PLEKHH1: variants seen among roughly 807,000 people sequenced by gnomAD.
PLEKHH1 encodes the protein pleckstrin homology, MyTH4 and FERM domain containing H1.
Under a neutral mutation model 160.0 loss-of-function variants are expected in PLEKHH1, and 104 were observed. That is an observed-to-expected ratio of 0.65 (90% CI 0.55 to 0.76). The LOEUF is 0.76. Ranked by LOEUF, PLEKHH1 falls within the 30% of genes least tolerant of loss-of-function variation. The pLI is 0.00. For missense variants in PLEKHH1, 1,427 were observed against 1,724.1 expected (o/e 0.83, Z 3.05); for synonymous variants, 619 against 678.4 (o/e 0.91, Z 1.36).
intron 1 of PLEKHH1, 197 bp downstream of exon 1, chr14:67,533,595 A>T (rs2033559287): frequency 2.0e-5 from 3 of 151,786 alleles, no homozygotes; most frequent in Admixed American, 2.0e-4. Flanking sequence ...GCCCCAGGGG[A>T]CTCGCGCCGC....
intron 8 of PLEKHH1, chr14:67,569,661 A>G: frequency 1.9e-6 from 1 of 527,632 alleles, no homozygotes; most frequent in Non-Finnish European, 3.4e-6. Flanking sequence ...CAACAGTGGA[A>G]CACTGTGCAA....
At chr14:67,569,075 G>A in intron 7 of PLEKHH1, 63 bp from the exon 8 acceptor site, 2 of 1,137,754 alleles carry the variant, frequency 1.8e-6, no homozygotes, top group Non-Finnish European at 2.6e-6. Flanking sequence ...TCCTGCACAT[G>A]CCTGGAGGGG....
In PLEKHH1 at chr14:67,559,194, T is replaced by G. The variant is rs866046101; in HGVS notation, c.340-414T>G. Among the ~76,000 whole-genome samples the G allele has an allele frequency of 1.4e-4, 22 of 152,346 alleles. No individual in the cohort carries two copies. In the South Asian group the frequency reaches 1.7e-3, roughly 11 times the overall value. ...TACCTCAGTTATCTGCAATTTTGCC[T>G]TATTTTTTTGTTTTTTAACTATAAA... On this transcript the variant is annotated intron_variant, in intron 4 of 28. Coordinates refer to ENST00000329153, the MANE Select transcript of PLEKHH1 (RefSeq NM_020715.3).
At chr14:67,585,818 A>C in intron 27 of PLEKHH1, 133 bp from the exon 28 acceptor site, 1 of 1,087,408 alleles carries the variant, frequency 9.2e-7, no homozygotes, top group Admixed American at 2.1e-5. Flanking sequence ...GTAGATATTC[A>C]AGATGGAGAT....
At chr14:67,586,335 T>G in intron 28 of PLEKHH1, 1 of 1,394,012 alleles carries the variant, frequency 7.2e-7, no homozygotes, top group Non-Finnish European at 9.7e-7. Context: ...GCTACTATTA[T>G]GCTCTTCACT....
intron 2 of PLEKHH1, among the ~76,000 whole-genome samples, chr14:67,555,181 G>A (rs2034544605): frequency 6.6e-6 from 1 of 152,238 alleles, no homozygotes; most frequent in Non-Finnish European, 1.5e-5. Flanking sequence ...GGCTTCCAAA[G>A]TGCTGGGATT....
intron 15 of PLEKHH1, 23 bp downstream of exon 15, chr14:67,575,495 T>G: frequency 6.9e-7 from 1 of 1,441,302 alleles, no homozygotes; most frequent in Non-Finnish European, 9.7e-7. Flanking sequence ...CTCCTCACAA[T>G]ACCCACTCTC....
chr14:67,533,942 G>C (rs1278249290), intron 1 of PLEKHH1, among the ~76,000 whole-genome samples: 2 of 152,162 alleles, frequency 1.3e-5, no homozygotes. Flanking sequence ...GGGCCTTAGT[G>C]GGGGTGGCAG....
chr14:67,575,538 A>C (rs4902490), intron 15 of PLEKHH1, 66 bp downstream of exon 15: 1 of 994,670 alleles, frequency 1.0e-6, no homozygotes, highest in Non-Finnish European at 1.6e-6. Flanking sequence ...CTGCCACTCT[A>C]TGTCCTGATG....
Position 67,582,230 on chromosome 14 carries a change from G to A in PLEKHH1, c.3426+20G>A, listed in dbSNP as rs2035936244. ...GCCCAGGTAAGGTTCTGTTCAGGAA[G>A]CAGGAGGGTCGGGTTGCCAGCTTAG... On this transcript the variant is annotated intron_variant, in intron 24 of 28. Transcript: ENST00000329153. This position sits in a 1 kb window ranked among gnomAD's most constrained non-coding sequence, Gnocchi z 5.0. 1.2e-6 allele frequency: 2 copies of A among 1,613,382 alleles called. No individual in the cohort carries two copies. The highest frequency in any genetic ancestry group is 2.2e-5 in the South Asian group (2 of 91,040).
intron 1 of PLEKHH1, among the ~76,000 whole-genome samples, chr14:67,536,385 C>T (rs1467360713): frequency 1.3e-5 from 2 of 151,846 alleles, no homozygotes; most frequent in Admixed American, 1.3e-4. Context: ...TCTGGCAGAG[C>T]ACTTTTAGAA....
At position 67,573,282 on chromosome 14, in the gene PLEKHH1, C is replaced by G; in HGVS notation, c.1735C>G (p.Leu579Val). 6.2e-7 allele frequency: 1 copy of G among 1,608,954 alleles called. No homozygotes were observed. The highest frequency in any genetic ancestry group is 8.5e-7 in the Non-Finnish European group (1 of 1,175,866). The change falls in exon 12 of 29, where the codon CTG (leucine) becomes GTG (valine). Residue 579 changes from leucine (L) to valine (V), a missense_variant. Coordinates refer to ENST00000329153, the MANE Select transcript of PLEKHH1 (RefSeq NM_020715.3). The surrounding 1 kb of genome is among the most constrained non-coding windows in gnomAD (Gnocchi z 4.8). ...ACACCCTTCCACCCCTCAGGAGTCA[C>G]TGGAGAAGTCGGGCTACCTGCTGAA... ...TDGLGLGGES[L>V]EKSGYLLKMG...
chr14:67,557,513 G>C lies in PLEKHH1; in HGVS notation c.339+95G>C. 4.2e-6 allele frequency: 5 copies of C among 1,182,086 alleles called. No individual in the cohort carries two copies. The South Asian group carries it at 7.3e-5, about 17-fold the overall frequency. The allele number at this position is 1,182,086 out of a possible 1,614,324, so 73.2% of individuals were successfully genotyped here. The stretch of plus-strand genomic sequence containing the variant: ...AGCTGTTCCGCTCAAGCCCTCTAGT[G>C]CTGGGGAACTCGCTCCCTCCTGAGC... On this transcript the variant is annotated intron_variant, in intron 4 of 28. Coordinates refer to ENST00000329153, the MANE Select transcript of PLEKHH1 (RefSeq NM_020715.3).
chr14:67,568,121 G>GA (rs555303762), intron 7 of PLEKHH1, among the ~76,000 whole-genome samples: 1 of 152,068 alleles, frequency 6.6e-6, no homozygotes, highest in Non-Finnish European at 1.5e-5. Flanking sequence ...TCCTGCAGGG[G>GA]AAAAAACGTG....
intron 1 of PLEKHH1, among the ~76,000 whole-genome samples, chr14:67,534,778 C>T (rs2033633722): frequency 6.6e-6 from 1 of 151,882 alleles, no homozygotes; most frequent in Admixed American, 6.6e-5. Flanking sequence ...ATGTTCCTCC[C>T]ATTCCTGATA....
intron 11 of PLEKHH1, among the ~76,000 whole-genome samples, 169 bp downstream of exon 11, chr14:67,572,446 A>G (rs2035435934): frequency 6.6e-6 from 1 of 152,074 alleles, no homozygotes; most frequent in African/African-American, 2.4e-5. Flanking sequence ...GGAGTCAGAC[A>G]CACAGACCCC....
intron 24 of PLEKHH1, 45 bp from the exon 25 acceptor site, chr14:67,583,696 C>T (rs2036011218): frequency 3.9e-6 from 6 of 1,536,734 alleles, no homozygotes; most frequent in Non-Finnish European, 5.3e-6. Context: ...CCTGGCCCAT[C>T]CACTGTCAGA....
chr14:67,537,578 T>G (rs1195507354), intron 1 of PLEKHH1, among the ~76,000 whole-genome samples: 1 of 151,540 alleles, frequency 6.6e-6, no homozygotes, highest in Non-Finnish European at 1.5e-5. Context: ...GGTGGGAGGG[T>G]CACCTGAGCT....
chr14:67,562,654 C>T lies in PLEKHH1; in HGVS notation c.1023C>T (p.His341=), dbSNP rs1423313308. ...GCCAGCCCCAGGTGGGCCATGGGCA[C>T]TTTGGCCGTGTGGTGAACATTGAGA... ...HHSQPQVGHG[H]FGRVVNIETE... The change falls in exon 7 of 29, where the codon CAC becomes CAT. Residue 341 remains histidine (H), a synonymous_variant. Transcript: ENST00000329153. The T allele has an allele frequency of 1.2e-6, 2 of 1,612,900 alleles. No individual in the cohort carries two copies. The highest frequency in any genetic ancestry group is 1.7e-6 in the Non-Finnish European group (2 of 1,179,472).
Sources: gnomAD v4.1 joint callset for allele counts (sites outside exome capture counted in the v4.1 genomes callset) on GRCh38, gnomAD v4.1.1 for gene constraint, Gnocchi (gnomAD v3.1) non-coding constraint, MANE v1.5 for transcripts, NCBI Gene and HGNC (gene_info 2026-07-23, HGNC 2026-07-21) for gene names.